Variants in CADM2 observed in about 807,000 individuals in gnomAD.
The protein encoded by CADM2 is cell adhesion molecule 2.
Under a neutral mutation model 49.8 loss-of-function variants are expected in CADM2, and 12 were observed. That is an observed-to-expected ratio of 0.24 (90% CI 0.15 to 0.39). The LOEUF (loss-of-function observed/expected upper bound fraction) is 0.39, where lower values mean the gene tolerates loss of function less well. Among genes scored for constraint, CADM2 ranks in the 10% least tolerant of loss-of-function variants. CADM2 has a pLI of 1.00. For missense variants in CADM2, 378 were observed against 492.3 expected (o/e 0.77, Z 2.20); for synonymous variants, 214 against 175.4 (o/e 1.22, Z -1.74).
intron 1 of CADM2, among the ~76,000 whole-genome samples, chr3:85,267,457 T>G (rs770963088): frequency 6.6e-6 from 1 of 151,778 alleles, no homozygotes; most frequent in Non-Finnish European, 1.5e-5. Context: ...TACTCAAATG[T>G]CATCCTCCCA....
chr3:85,383,263 C>T (rs376608410), intron 1 of CADM2, among the ~76,000 whole-genome samples: 41 of 152,050 alleles, frequency 2.7e-4, no homozygotes, highest in African/African-American at 9.4e-4. Flanking sequence ...CTGCCTGATT[C>T]GTGAATTGTT....
intron 3 of CADM2, among the ~76,000 whole-genome samples, chr3:85,804,296 C>T (rs981500039): frequency 1.3e-5 from 2 of 152,106 alleles, no homozygotes; most frequent in Non-Finnish European, 2.9e-5. Context: ...AATTTGTCAA[C>T]TTGGTTATAC....
intron 1 of CADM2, among the ~76,000 whole-genome samples, chr3:85,099,748 G>A (rs1407724071): frequency 1.3e-5 from 2 of 152,144 alleles, no homozygotes; most frequent in African/African-American, 4.8e-5. Context: ...GGGATTACAG[G>A]CATGAGCCAC....
chr3:85,880,436 T>C (rs1236445862), intron 3 of CADM2, among the ~76,000 whole-genome samples: 1 of 152,182 alleles, frequency 6.6e-6, no homozygotes, highest in Non-Finnish European at 1.5e-5. Context: ...GATTTCCTCT[T>C]ATTACTAATT....
intron 3 of CADM2, among the ~76,000 whole-genome samples, chr3:85,843,598 G>A (rs1338724544): frequency 6.6e-6 from 1 of 151,914 alleles, no homozygotes; most frequent in Non-Finnish European, 1.5e-5. Flanking sequence ...ATTTTCAATA[G>A]TAATAAATAT....
At chr3:85,709,683 A>G (rs1490197826) in intron 1 of CADM2, among the ~76,000 whole-genome samples, 11 of 152,150 alleles carry the variant, frequency 7.2e-5, no homozygotes, top group African/African-American at 2.7e-4. Context: ...AAACATTCAC[A>G]TGCAAATATG....
At chr3:85,891,035 C>G (rs954398473) in intron 5 of CADM2, among the ~76,000 whole-genome samples, 4 of 151,922 alleles carry the variant, frequency 2.6e-5, no homozygotes, top group African/African-American at 9.7e-5. Flanking sequence ...TTTTAATAAG[C>G]TTTCAAAAGT....
chr3:85,663,979 T>C (rs1416799337), intron 1 of CADM2, among the ~76,000 whole-genome samples: 1 of 151,996 alleles, frequency 6.6e-6, no homozygotes, highest in East Asian at 1.9e-4. Flanking sequence ...AGCAGAAATA[T>C]TTTATGCACT....
chr3:85,829,177 A>G (rs1388946250), intron 3 of CADM2, among the ~76,000 whole-genome samples: 1 of 151,994 alleles, frequency 6.6e-6, no homozygotes, highest in African/African-American at 2.4e-5. Flanking sequence ...ATGAGTAATT[A>G]TATCCTAATT....
intron 8 of CADM2, among the ~76,000 whole-genome samples, chr3:86,010,146 A>T (rs890080520): frequency 6.6e-6 from 1 of 151,974 alleles, no homozygotes; most frequent in Non-Finnish European, 1.5e-5. Flanking sequence ...GTTATTTGAA[A>T]CCACATATGT....
At chr3:85,435,083 C>A (rs994492183) in intron 1 of CADM2, among the ~76,000 whole-genome samples, 2 of 151,974 alleles carry the variant, frequency 1.3e-5, no homozygotes, top group Admixed American at 1.3e-4. Context: ...AGGTTTGTTA[C>A]ATAGTATACA....
At chr3:85,928,046 C>T (rs1220115817) in intron 6 of CADM2, among the ~76,000 whole-genome samples, 1 of 152,026 alleles carries the variant, frequency 6.6e-6, no homozygotes, top group Non-Finnish European at 1.5e-5. Flanking sequence ...AAAATCCATT[C>T]TGCTGGATCA....
chr3:85,432,864 T>G (rs752725864), intron 1 of CADM2, among the ~76,000 whole-genome samples: 1 of 152,112 alleles, frequency 6.6e-6, no homozygotes, highest in East Asian at 1.9e-4. Flanking sequence ...ATTTTAATCT[T>G]TATGTCCAAA....
intron 8 of CADM2, among the ~76,000 whole-genome samples, chr3:85,986,892 T>C (rs1728181762): frequency 6.6e-6 from 1 of 152,050 alleles, no homozygotes; most frequent in Admixed American, 6.6e-5. Flanking sequence ...GTCCAGGATT[T>C]TTAGTTAGCC....
At chr3:86,022,858 A>T (rs1350660944) in intron 8 of CADM2, among the ~76,000 whole-genome samples, 1 of 152,140 alleles carries the variant, frequency 6.6e-6, no homozygotes, top group Non-Finnish European at 1.5e-5. Context: ...TTCACAGAAA[A>T]TATGCATATG....
At chr3:85,148,918 G>A (rs962322819) in intron 1 of CADM2, among the ~76,000 whole-genome samples, 23 of 152,186 alleles carry the variant, frequency 1.5e-4, no homozygotes, top group African/African-American at 5.5e-4. Flanking sequence ...CTCAGGGGTG[G>A]TAGAGGCAGA....
chr3:85,050,925 T>A (rs1170491930), intron 1 of CADM2, among the ~76,000 whole-genome samples: 1 of 152,196 alleles, frequency 6.6e-6, no homozygotes, highest in Non-Finnish European at 1.5e-5. Flanking sequence ...GTTGCAGGGA[T>A]GTACTCCTTT....
intron 3 of CADM2, among the ~76,000 whole-genome samples, chr3:85,858,499 A>G (rs545290009): frequency 3.3e-5 from 5 of 152,344 alleles, no homozygotes; most frequent in Admixed American, 2.6e-4. Flanking sequence ...TTTCGAGCCC[A>G]TAACAGGAAA....
intron 1 of CADM2, among the ~76,000 whole-genome samples, chr3:85,201,381 C>G (rs1179875594): frequency 6.6e-6 from 1 of 152,132 alleles, no homozygotes; most frequent in Admixed American, 6.5e-5. Flanking sequence ...ATTAGAAATA[C>G]TTTATTACTA....
Sources: gnomAD v4.1 joint callset for allele counts (sites outside exome capture counted in the v4.1 genomes callset) on GRCh38, gnomAD v4.1.1 for gene constraint, MANE v1.5 for transcripts, NCBI Gene and HGNC (gene_info 2026-07-23, HGNC 2026-07-21) for gene names.